CACNA1C: variants seen among roughly 807,000 people sequenced by gnomAD.
The protein encoded by CACNA1C is calcium voltage-gated channel subunit alpha1 C.
Under a neutral mutation model 229.0 loss-of-function variants are expected in CACNA1C, and 30 were observed. The observed-to-expected ratio is 0.13, with a 90% CI of 0.10 to 0.18. The LOEUF is 0.18. Ranked by LOEUF, CACNA1C falls within the 10% of genes least tolerant of loss-of-function variation. CACNA1C has a pLI of 1.00. For missense variants in CACNA1C, 1,658 were observed against 2,845.0 expected, an observed-to-expected ratio of 0.58 and a Z score of 9.49; for synonymous variants, 1,114 against 1,132.5, an observed-to-expected ratio of 0.98 and a Z score of 0.33.
intron 1 of CACNA1C, among the ~76,000 whole-genome samples, chr12:2,047,330 C>T (rs2051257633): frequency 6.6e-6 from 1 of 152,230 alleles, no homozygotes; most frequent in Non-Finnish European, 1.5e-5. Context: ...GCACACTGTG[C>T]ACCCCACACA....
At chr12:2,212,169 A>G (rs1295586320) in intron 3 of CACNA1C, among the ~76,000 whole-genome samples, 2 of 152,196 alleles carry the variant, frequency 1.3e-5, no homozygotes, top group Non-Finnish European at 2.9e-5. Context: ...TTATGGGGTG[A>G]TGGTGAAACA....
chr12:2,179,535 T>G (rs7297114), intron 3 of CACNA1C, among the ~76,000 whole-genome samples: 6,461 of 152,312 alleles, frequency 0.042, 441 homozygotes, highest in African/African-American at 0.15. Context: ...CTCCGGGCTC[T>G]GAATACTGAA....
At chr12:1,972,742 G>C (rs765865430) in intron 1 of CACNA1C, among the ~76,000 whole-genome samples, 2 of 151,484 alleles carry the variant, frequency 1.3e-5, no homozygotes, top group Non-Finnish European at 2.9e-5. Context: ...TAAAAGACTG[G>C]AATTAGTCTT....
intron 1 of CACNA1C, among the ~76,000 whole-genome samples, chr12:2,074,202 T>C (rs1234835337): frequency 1.3e-5 from 2 of 152,216 alleles, no homozygotes; most frequent in Admixed American, 6.5e-5. Flanking sequence ...AAAAATTATA[T>C]TCTTCCCTTT....
At position 2,500,215 on chromosome 12, in the gene CACNA1C, T is replaced by A. The variant is rs572154940; in HGVS notation, c.1114-4627T>A. 2.0e-5 allele frequency among the ~76,000 whole-genome samples: 3 copies of A among 152,264 alleles called. No homozygotes were observed. In the East Asian group the frequency reaches 5.8e-4, roughly 29 times the overall value. Reference sequence around the variant, plus strand: ...CCCAGGGGGGACCAAAGCAGCAGTGTGGGACGGCGAGGGGGACCCATGAGT... The same window carrying A: ...CCCAGGGGGGACCAAAGCAGCAGTGAGGGACGGCGAGGGGGACCCATGAGT... On this transcript the variant is annotated intron_variant, in intron 7 of 46. Coordinates refer to ENST00000399655, the MANE Select transcript of CACNA1C (RefSeq NM_000719.7).
rs1478828207 is a variant in CACNA1C, at chr12:2,605,538, A to G, written c.3049-141A>G. The G allele has an allele frequency of 1.5e-6, 1 of 688,014 alleles. No homozygotes were observed. Among genetic ancestry groups the G allele is most frequent in the Non-Finnish European group, 2.6e-6 (1 of 377,386 alleles). The allele number at this position is 688,014 out of a possible 1,614,324, so 42.6% of individuals were successfully genotyped here. A position where few individuals can be genotyped will look rare whatever the true frequency, so the allele number is the denominator to read the frequency against. On this transcript the variant is annotated intron_variant, in intron 23 of 46. Transcript: ENST00000399655. This position sits in a 1 kb window ranked among gnomAD's most constrained non-coding sequence, Gnocchi z 6.2. The stretch of plus-strand genomic sequence containing the variant: ...ATCCCATTAGGGTCCATCACTTCCC[A>G]TGTGACTTTGGGAGCGTGGCTTTGC...
At chr12:2,220,709 G>T (rs997935671) in intron 3 of CACNA1C, 2 of 152,182 alleles carry the variant, frequency 1.3e-5, no homozygotes, top group African/African-American at 4.8e-5. Context: ...TGAGTATTAT[G>T]CTTGGTTAGC....
chr12:2,642,631 G>T (rs1420041651), intron 30 of CACNA1C, among the ~76,000 whole-genome samples: 1 of 152,082 alleles, frequency 6.6e-6, no homozygotes, highest in African/African-American at 2.4e-5. Context: ...TTTCCTTTTT[G>T]AGTCTCTGCC....
At chr12:2,415,209 A>G (rs949973815) in intron 3 of CACNA1C, among the ~76,000 whole-genome samples, 2 of 152,028 alleles carry the variant, frequency 1.3e-5, no homozygotes, top group African/African-American at 4.8e-5. Flanking sequence ...TCTCCTTTGT[A>G]TTTTTAAATG....
In CACNA1C at chr12:2,137,854, A is replaced by G. The variant is rs35766483; in HGVS notation, c.477+17424A>G. Among the ~76,000 whole-genome samples, 4 of 151,448 alleles carry G rather than the reference A, an allele frequency of 2.6e-5. No individual in the cohort carries two copies. The East Asian group carries it at 7.7e-4, about 29-fold the overall frequency. ...TGGCTGCAACCTGCCTGCTGCCAAG[A>G]GTCTGGCAGGGCTGCCGGGGTCCGG... is the stretch of plus-strand genomic sequence containing the variant. On this transcript the variant is annotated intron_variant, in intron 3 of 46. Coordinates refer to ENST00000399655, the MANE Select transcript of CACNA1C (RefSeq NM_000719.7).
At chr12:2,569,866 C>CA (rs2053374041) in intron 13 of CACNA1C, among the ~76,000 whole-genome samples, 1 of 152,168 alleles carries the variant, frequency 6.6e-6, no homozygotes, top group African/African-American at 2.4e-5. Flanking sequence ...GAGGAACTGT[C>CA]AAACTGTTTT....
At chr12:2,544,933 C>A (rs2099878236) in intron 9 of CACNA1C, among the ~76,000 whole-genome samples, 1 of 152,182 alleles carries the variant, frequency 6.6e-6, no homozygotes, top group South Asian at 2.1e-4. Context: ...TGGTGCATCT[C>A]ATTGATTTGC....
intron 15 of CACNA1C, among the ~76,000 whole-genome samples, chr12:2,583,814 C>G (rs2061455020): frequency 6.6e-6 from 1 of 152,220 alleles, no homozygotes; most frequent in Non-Finnish European, 1.5e-5. Context: ...CCCCTCTTCC[C>G]CAGCCTGGGT....
intron 1 of CACNA1C, among the ~76,000 whole-genome samples, chr12:2,014,838 T>C (rs1376287121): frequency 1.3e-5 from 2 of 152,188 alleles, no homozygotes; most frequent in Non-Finnish European, 2.9e-5. Flanking sequence ...GGTAGTGCCA[T>C]AGGTGTCATG....
intron 3 of CACNA1C, among the ~76,000 whole-genome samples, chr12:2,192,733 TCCACACGG>T (rs2097277088): frequency 2.1e-5 from 3 of 142,986 alleles, no homozygotes; most frequent in African/African-American, 7.7e-5. Context: ...CTCCCCCTCC[TCCACACGG>T]TACCTGGCAC....
intron 8 of CACNA1C, among the ~76,000 whole-genome samples, chr12:2,508,850 A>G (rs750416581): frequency 6.6e-6 from 1 of 152,226 alleles, no homozygotes; most frequent in Non-Finnish European, 1.5e-5. Flanking sequence ...CATTAACCCT[A>G]TGCAAGACAT....
intron 1 of CACNA1C, among the ~76,000 whole-genome samples, chr12:2,081,557 C>T (rs373800018): frequency 7.6e-5 from 11 of 144,480 alleles, no homozygotes; most frequent in East Asian, 2.0e-4. Flanking sequence ...GGCGACAGAG[C>T]GAGACTCAGT....
intron 3 of CACNA1C, among the ~76,000 whole-genome samples, chr12:2,368,720 CTAATCAACAGCCCAGGGTGTATT>C (rs2097780090): frequency 6.6e-6 from 1 of 152,182 alleles, no homozygotes; most frequent in South Asian, 2.1e-4. Flanking sequence ...AAGAAGAACC[CTAATCAACAGCCCAGGGTGTATT>C]TTCTTTGTTT....
At chr12:2,555,606 T>C (rs2043707999) in intron 10 of CACNA1C, among the ~76,000 whole-genome samples, 1 of 152,228 alleles carries the variant, frequency 6.6e-6, no homozygotes, top group Admixed American at 6.5e-5. Flanking sequence ...AATGCTGCCC[T>C]GGGCTCCCAG....
Sources: allele counts gnomAD v4.1 joint callset (sites outside exome capture counted in the v4.1 genomes callset), GRCh38; gene constraint gnomAD v4.1.1; non-coding constraint Gnocchi (gnomAD v3.1); transcripts MANE v1.5; gene names NCBI Gene and HGNC (gene_info 2026-07-23, HGNC 2026-07-21).